The following CNBD1 variants were observed in gnomAD, a reference collection of about 807,000 sequenced individuals.
CNBD1 encodes cyclic nucleotide-binding domain-containing protein 1.
A neutral mutation model predicts 54.4 loss-of-function variants in CNBD1; 71 were observed. The observed-to-expected ratio is 1.30, with a 90% CI of 1.08 to 1.59. The LOEUF (loss-of-function observed/expected upper bound fraction) is 1.59, where lower values mean the gene tolerates loss of function less well. Among genes scored for constraint, CNBD1 ranks in the 40% most tolerant of loss-of-function variants. The pLI is 0.00. For synonymous variants in CNBD1, 182 were observed against 170.7 expected (o/e 1.07, Z -0.51); for missense variants, 659 against 518.0 (o/e 1.27, Z -2.64).
intron 4 of CNBD1, among the ~76,000 whole-genome samples, chr8:87,140,281 A>G (rs1366531467): frequency 2.0e-5 from 3 of 152,178 alleles, no homozygotes; most frequent in African/African-American, 4.8e-5. Context: ...TACTGAAATA[A>G]CAAATAATGT....
intron 5 of CNBD1, among the ~76,000 whole-genome samples, chr8:87,211,465 A>C (rs1814097209): frequency 6.6e-6 from 1 of 152,050 alleles, no homozygotes; most frequent in Non-Finnish European, 1.5e-5. Context: ...TCCAAATCTC[A>C]TGTTGAGATA....
rs142109702 is a variant in CNBD1, at chr8:87,316,817, G to A, written c.1042+30146G>A. ...TAGAGATTGATTTTAGTTGTGTATC[G>A]TTATCTAGTGTATATCTATTTACAA... On this transcript the variant is annotated intron_variant, in intron 8 of 10. Coordinates refer to ENST00000518476, the MANE Select transcript of CNBD1 (RefSeq NM_173538.3). 4.0e-3 allele frequency among the ~76,000 whole-genome samples: 601 copies of A among 151,702 alleles called. 8 individuals are homozygous for A. The highest frequency in any genetic ancestry group is 0.014 in the African/African-American group (561 of 41,436).
intron 6 of CNBD1, among the ~76,000 whole-genome samples, chr8:87,258,768 C>A (rs1233090498): frequency 6.6e-6 from 1 of 152,074 alleles, no homozygotes; most frequent in Non-Finnish European, 1.5e-5. Context: ...CTTTTATAAC[C>A]CTTTACAAAT....
At chr8:86,908,700 T>C (rs2131812053) in intron 3 of CNBD1, among the ~76,000 whole-genome samples, 1 of 152,044 alleles carries the variant, frequency 6.6e-6, no homozygotes, top group East Asian at 1.9e-4. Flanking sequence ...CCAGTATGTT[T>C]AAAGGGGGCT....
intron 3 of CNBD1, among the ~76,000 whole-genome samples, chr8:86,935,013 G>GTTTA (rs774629886): frequency 0.061 from 3,004 of 49,648 alleles, 100 homozygotes; most frequent in African/African-American, 0.11. Context: ...GGGTTTGTTT[G>GTTTA]TTTGTTTATT....
In CNBD1 at chr8:87,103,712, G is replaced by A. The variant is rs112826910; in HGVS notation, c.432-102281G>A. 2.6e-3 allele frequency among the ~76,000 whole-genome samples: 399 copies of A among 152,258 alleles called. 3 individuals are homozygous for A. The highest frequency in any genetic ancestry group is 9.3e-3 in the African/African-American group (385 of 41,550). ...CCATGATTCAGTTACTTCCCACTGGGTCCCACCCACGACACATGGGGATTA... is the reference window on the plus strand; with the variant it reads ...CCATGATTCAGTTACTTCCCACTGGATCCCACCCACGACACATGGGGATTA... On this transcript the variant is annotated intron_variant, in intron 4 of 10. Coordinates refer to ENST00000518476, the MANE Select transcript of CNBD1 (RefSeq NM_173538.3).
intron 8 of CNBD1, among the ~76,000 whole-genome samples, chr8:87,306,609 G>A (rs982767717): frequency 2.6e-5 from 4 of 152,198 alleles, no homozygotes; most frequent in African/African-American, 9.6e-5. Context: ...AACAGCATTT[G>A]TAGTGACCTG....
chr8:87,359,689 A>G (rs1470358061), intron 10 of CNBD1, among the ~76,000 whole-genome samples: 3 of 152,102 alleles, frequency 2.0e-5, no homozygotes, highest in South Asian at 2.1e-4. Context: ...ATAACATAGG[A>G]CAGGACTCAA....
intron 4 of CNBD1, among the ~76,000 whole-genome samples, chr8:87,103,464 G>C (rs942634571): frequency 6.6e-6 from 1 of 152,272 alleles, no homozygotes; most frequent in Admixed American, 6.5e-5. Context: ...CCTAGGACTT[G>C]GTAATTTATA....
intron 5 of CNBD1, among the ~76,000 whole-genome samples, chr8:87,227,218 T>C (rs1814521555): frequency 6.6e-6 from 1 of 152,032 alleles, no homozygotes; most frequent in South Asian, 2.1e-4. Flanking sequence ...TGTCTTTTAA[T>C]TGGAGCATTT....
At chr8:87,058,839 A>C (rs910000362) in intron 4 of CNBD1, among the ~76,000 whole-genome samples, 3 of 152,150 alleles carry the variant, frequency 2.0e-5, no homozygotes, top group African/African-American at 7.2e-5. Context: ...ATTGTTTTGG[A>C]GATTAACATT....
intron 4 of CNBD1, among the ~76,000 whole-genome samples, chr8:87,094,445 T>C (rs566210200): frequency 8.3e-5 from 11 of 132,314 alleles, no homozygotes; most frequent in African/African-American, 3.3e-4. Flanking sequence ...TCTTTAATGC[T>C]TTTTTTTTTT....
intron 6 of CNBD1, among the ~76,000 whole-genome samples, chr8:87,254,013 C>A (rs897441037): frequency 1.3e-5 from 2 of 152,164 alleles, no homozygotes; most frequent in African/African-American, 4.8e-5. Context: ...TTTTAGATTG[C>A]AAGTTTTAGA....
In CNBD1 at chr8:87,351,674, C is replaced by G. The variant is rs780576206; in HGVS notation, c.1043-11C>G. On this transcript the variant is annotated splice_polypyrimidine_tract_variant and intron_variant, in intron 8 of 10. Coordinates refer to ENST00000518476, the MANE Select transcript of CNBD1 (RefSeq NM_173538.3). ...AGAATGTGTGAAATGAACTATCTCT[C>G]TTCTTTTCAGTGATAGTGGAAAGTG... 4 of 1,483,578 alleles carry G rather than the reference C, an allele frequency of 2.7e-6. No homozygotes were observed. The highest frequency in any genetic ancestry group is 2.9e-5 in the Admixed American group (1 of 34,456). 91.9% of individuals were successfully genotyped at this position (1,483,578 alleles called of 1,614,324 possible).
chr8:87,110,422 T>A (rs1235019489), intron 4 of CNBD1, among the ~76,000 whole-genome samples: 1 of 152,132 alleles, frequency 6.6e-6, no homozygotes, highest in East Asian at 1.9e-4. Context: ...CATCACCTAA[T>A]GAATGGGTCA....
At chr8:86,893,961 A>C (rs1808810003) in intron 2 of CNBD1, among the ~76,000 whole-genome samples, 1 of 151,176 alleles carries the variant, frequency 6.6e-6, no homozygotes, top group Non-Finnish European at 1.5e-5. Context: ...TACATTCTCA[A>C]ATCTCTTCTC....
chr8:86,960,105 C>A (rs1807888750), intron 4 of CNBD1, among the ~76,000 whole-genome samples: 1 of 152,166 alleles, frequency 6.6e-6, no homozygotes, highest in Non-Finnish European at 1.5e-5. Flanking sequence ...GCATTTCCAA[C>A]TGAGGTACCA....
intron 4 of CNBD1, among the ~76,000 whole-genome samples, chr8:87,004,461 A>T (rs993711665): frequency 6.6e-6 from 1 of 151,670 alleles, no homozygotes; most frequent in South Asian, 2.1e-4. Context: ...GTGTAAATAT[A>T]AACATTTTAT....
intron 5 of CNBD1, among the ~76,000 whole-genome samples, chr8:87,206,838 TGAG>T (rs1419759897): frequency 1.3e-5 from 2 of 152,190 alleles, no homozygotes; most frequent in Non-Finnish European, 2.9e-5. Context: ...TCTCCACAGA[TGAG>T]GACCCCGAGG....
Sources: allele counts gnomAD v4.1 joint callset (sites outside exome capture counted in the v4.1 genomes callset), GRCh38; gene constraint gnomAD v4.1.1; transcripts MANE v1.5; gene names NCBI Gene and HGNC (gene_info 2026-07-23, HGNC 2026-07-21).